The following ZNG1C variants were observed in gnomAD, a reference collection of about 807,000 sequenced individuals.
ZNG1C encodes the protein zinc-regulated GTPase metalloprotein activator 1C.
At chr9:68,287,071 C>T in the ZNG1C span, among the ~76,000 whole-genome samples, 11 of 152,324 alleles carry the variant, frequency 7.2e-5, no homozygotes, top group South Asian at 8.3e-4. Context: ...TTACCATGAA[C>T]ATTTGGAGCA....
chr9:68,288,647 ATTT>A, the ZNG1C span, among the ~76,000 whole-genome samples: 63 of 56,942 alleles, frequency 1.1e-3, no homozygotes, highest in East Asian at 1.8e-3. Flanking sequence ...TAATTTTTGT[ATTT>A]TTTTTTTTTT....
At chr9:68,290,707 A>C in the ZNG1C span, among the ~76,000 whole-genome samples, 2 of 140,310 alleles carry the variant, frequency 1.4e-5, no homozygotes, top group Non-Finnish European at 3.0e-5. Context: ...TTTTTTTTTA[A>C]CTGACAGTTA....
chr9:68,259,566 CAGT>C, the ZNG1C span: 1 of 353,628 alleles, frequency 2.8e-6, no homozygotes, highest in African/African-American at 2.3e-5. Flanking sequence ...GGCTGGAGTG[CAGT>C]GGCACCATCT....
chr9:68,281,229 C>T, the ZNG1C span, among the ~76,000 whole-genome samples: 1 of 152,278 alleles, frequency 6.6e-6, no homozygotes, highest in Non-Finnish European at 1.5e-5. Flanking sequence ...GACCTGCGCC[C>T]ACTGTCTGGC....
chr9:68,279,631 T>G, the ZNG1C span, among the ~76,000 whole-genome samples: 3 of 131,390 alleles, frequency 2.3e-5, no homozygotes, highest in Non-Finnish European at 4.9e-5. Context: ...TGTTGAATAT[T>G]GGCCCCCACT....
the ZNG1C span, among the ~76,000 whole-genome samples, chr9:68,243,897 CT>C: frequency 4.2e-5 from 3 of 71,816 alleles, no homozygotes; most frequent in African/African-American, 1.0e-4. Context: ...GGAATAGGTA[CT>C]TTTTTACTGT....
the ZNG1C span, among the ~76,000 whole-genome samples, chr9:68,247,389 A>C: frequency 2.0e-5 from 3 of 151,094 alleles, no homozygotes; most frequent in African/African-American, 4.9e-5. Flanking sequence ...TATGTTTATC[A>C]GTTTAGGATG....
the ZNG1C span, among the ~76,000 whole-genome samples, chr9:68,287,597 T>C: frequency 6.6e-6 from 1 of 152,288 alleles, no homozygotes; most frequent in Non-Finnish European, 1.5e-5. Context: ...TGCATAAGAG[T>C]AGAATAGTAT....
At chr9:68,246,744 A>G in the ZNG1C span, among the ~76,000 whole-genome samples, 25 of 148,234 alleles carry the variant, frequency 1.7e-4, no homozygotes, top group South Asian at 2.1e-3. Context: ...AACATTTAAA[A>G]TAATTCTTAT....
At chr9:68,268,354 A>G in the ZNG1C span, among the ~76,000 whole-genome samples, 10,334 of 150,138 alleles carry the variant, frequency 0.069, 23 homozygotes, top group South Asian at 0.17. Context: ...GCCATATTCT[A>G]TAGTATCAAA....
chr9:68,294,491 A>G, the ZNG1C span, among the ~76,000 whole-genome samples: 1 of 67,032 alleles, frequency 1.5e-5, no homozygotes, highest in South Asian at 5.3e-4. Flanking sequence ...CTGACACCAC[A>G]GAAATACAAA....
chr9:68,257,147 C>A, the ZNG1C span, among the ~76,000 whole-genome samples: 20 of 141,508 alleles, frequency 1.4e-4, no homozygotes, highest in African/African-American at 5.3e-4. Context: ...AAGTGATTCT[C>A]CTGCCTCAGC....
chr9:68,276,979 C>A, the ZNG1C span, among the ~76,000 whole-genome samples: 167 of 36,800 alleles, frequency 4.5e-3, no homozygotes, highest in African/African-American at 6.3e-3. Context: ...CTTTTATTTC[C>A]TTGAGCAGTG....
chr9:68,270,890 A>C, the ZNG1C span: 1 of 150,336 alleles, frequency 6.7e-6, no homozygotes, highest in Admixed American at 6.6e-5. Flanking sequence ...CTCAAAAAAA[A>C]AAAAACAAAC....
chr9:68,288,663 T>C, the ZNG1C span, among the ~76,000 whole-genome samples: 4 of 119,714 alleles, frequency 3.3e-5, no homozygotes, highest in East Asian at 6.9e-4. Flanking sequence ...TTTTTTTTTT[T>C]TTTTTTTTTT....
At chr9:68,274,075 C>T in the ZNG1C span, 1 of 149,768 alleles carries the variant, frequency 6.7e-6, no homozygotes, top group African/African-American at 2.4e-5. Context: ...TGATCTTGAC[C>T]TTGTGATCCG....
chr9:68,290,289 C>G, the ZNG1C span, among the ~76,000 whole-genome samples: 1 of 136,814 alleles, frequency 7.3e-6, no homozygotes, highest in Non-Finnish European at 1.6e-5. Flanking sequence ...AATCTTTAGG[C>G]TGGGTGTGGT....
At chr9:68,293,919 GAC>G in the ZNG1C span, among the ~76,000 whole-genome samples, 1 of 147,384 alleles carries the variant, frequency 6.8e-6, no homozygotes, top group Non-Finnish European at 1.5e-5. Flanking sequence ...CTGTAAGATA[GAC>G]CATATGATAG....
chr9:68,289,335 G>GC, the ZNG1C span, among the ~76,000 whole-genome samples: 1 of 148,284 alleles, frequency 6.7e-6, no homozygotes, highest in Non-Finnish European at 1.5e-5. Flanking sequence ...CAGTAGACTT[G>GC]CCTGAATATC....
Sources: gnomAD v4.1 joint callset for allele counts (sites outside exome capture counted in the v4.1 genomes callset) on GRCh38, gnomAD v4.1.1 for gene constraint, MANE v1.5 for transcripts, NCBI Gene and HGNC (gene_info 2026-07-23, HGNC 2026-07-21) for gene names.